The following SH3D19 variants were observed in gnomAD, a reference collection of about 807,000 sequenced individuals.
SH3D19 encodes the protein SH3 domain-containing protein 19.
Under a neutral mutation model 112.1 loss-of-function variants are expected in SH3D19, and 58 were observed. The ratio of observed to expected loss-of-function variants is 0.52; its 90% CI spans 0.42 to 0.64. The LOEUF (loss-of-function observed/expected upper bound fraction) is 0.64. Ranked by LOEUF, SH3D19 falls within the 30% of genes least tolerant of loss-of-function variation. The pLI is 0.00. For synonymous variants in SH3D19, 391 were observed against 448.5 expected (o/e 0.87, Z 1.62); for missense variants, 1,090 against 1,263.4 (o/e 0.86, Z 2.08).
chr4:151,148,143 T>C lies in SH3D19; in HGVS notation c.1861A>G (p.Lys621Glu). 2 of 1,612,456 alleles carry C rather than the reference T, an allele frequency of 1.2e-6. No homozygotes were observed. The highest frequency in any genetic ancestry group is 1.7e-6 in the Non-Finnish European group (2 of 1,179,666). ...KTIPTQQPPT[K>E]VPPERPPPPK... Reference sequence around the variant, plus strand: ...GGAGGTGGTCTCTCAGGGGGCACCTTGGTTGGAGGCTGTTGAGTTGGAATG... The same window carrying C: ...GGAGGTGGTCTCTCAGGGGGCACCTCGGTTGGAGGCTGTTGAGTTGGAATG... The change falls in exon 11 of 20, where the codon AAG (lysine) becomes GAG (glutamate). Residue 621 changes from lysine to glutamate, a missense_variant. Transcript: ENST00000604030.
intron 2 of SH3D19, among the ~76,000 whole-genome samples, chr4:151,216,137 A>C (rs967494395): frequency 1.3e-5 from 2 of 152,136 alleles, no homozygotes; most frequent in African/African-American, 4.8e-5. Context: ...CCAGGGTGTT[A>C]CCTTTAAGGA....
chr4:151,322,578 T>C (rs183202050), intron 1 of SH3D19, among the ~76,000 whole-genome samples: 35 of 151,738 alleles, frequency 2.3e-4, no homozygotes, highest in Non-Finnish European at 4.7e-4. Context: ...CTTTAAAAGC[T>C]GGGAAACATA....
chr4:151,237,561 G>A (rs930229135), intron 1 of SH3D19, among the ~76,000 whole-genome samples: 8 of 152,034 alleles, frequency 5.3e-5, no homozygotes, highest in Non-Finnish European at 1.2e-4. Context: ...CTTATTACCT[G>A]AAGGACCACA....
At chr4:151,316,718 C>T (rs1426417606) in intron 1 of SH3D19, among the ~76,000 whole-genome samples, 1 of 151,706 alleles carries the variant, frequency 6.6e-6, no homozygotes, top group Non-Finnish European at 1.5e-5. Flanking sequence ...CTACCCTCAC[C>T]CCCATGAGCC....
chr4:151,183,274 G>A (rs1761241749), intron 3 of SH3D19, among the ~76,000 whole-genome samples: 1 of 152,182 alleles, frequency 6.6e-6, no homozygotes, highest in African/African-American at 2.4e-5. Flanking sequence ...TTATAGGTGT[G>A]AGCCACAGTG....
At chr4:151,214,046 G>A (rs944239108) in intron 2 of SH3D19, among the ~76,000 whole-genome samples, 1 of 147,542 alleles carries the variant, frequency 6.8e-6, no homozygotes, top group East Asian at 2.1e-4. Context: ...CTGGGTACTT[G>A]AGATTAGGGA....
At chr4:151,187,177 A>C (rs1408990067) in intron 3 of SH3D19, among the ~76,000 whole-genome samples, 1 of 152,116 alleles carries the variant, frequency 6.6e-6, no homozygotes, top group Non-Finnish European at 1.5e-5. Flanking sequence ...ATAGTATCAC[A>C]TTTGGGATTA....
In SH3D19 at chr4:151,121,657, T is replaced by G. The variant is rs1235288783; in HGVS notation, c.*434A>C. On this transcript the variant is annotated 3_prime_UTR_variant, in exon 20 of 20. Transcript: ENST00000604030. ...ATTAATTTGAATATCAAAAATGAAA[T>G]TGAGATTGCTAACCATGTCCTGATA... is the stretch of plus-strand genomic sequence containing the variant. 6.5e-6 allele frequency: 1 copy of G among 152,804 alleles called. No individual in the cohort carries two copies. Among genetic ancestry groups the G allele is most frequent in the African/African-American group, 2.4e-5 (1 of 41,462 alleles). 9.5% of individuals were successfully genotyped at this position (152,804 alleles called of 1,614,324 possible).
intron 1 of SH3D19, among the ~76,000 whole-genome samples, chr4:151,250,528 G>GAA (rs34363522): frequency 0.33 from 49,624 of 151,654 alleles, 9,383 homozygotes; most frequent in Non-Finnish European, 0.44. Flanking sequence ...GAGAGAGAGA[G>GAA]ATCTGGAATG....
intron 9 of SH3D19, among the ~76,000 whole-genome samples, chr4:151,154,764 T>G (rs1168889536): frequency 6.6e-6 from 1 of 152,030 alleles, no homozygotes; most frequent in Non-Finnish European, 1.5e-5. Flanking sequence ...ATACTATTTC[T>G]TTTTTTCTTC....
At chr4:151,289,192 A>T (rs1460313586) in intron 1 of SH3D19, among the ~76,000 whole-genome samples, 1 of 152,244 alleles carries the variant, frequency 6.6e-6, no homozygotes, top group Non-Finnish European at 1.5e-5. Context: ...CATGCAAAAG[A>T]ATGAACTTGG....
chr4:151,165,360 GAAGGGAAAGGGAAGCGAAGGGGA>G (rs1312785233), intron 8 of SH3D19, among the ~76,000 whole-genome samples: 18 of 151,988 alleles, frequency 1.2e-4, no homozygotes, highest in African/African-American at 3.1e-4. Flanking sequence ...AAAAGGAAGG[GAAGGGAAAGGGAAGCGAAGGGGA>G]AAGGGAAAGG....
rs765379008 is a variant in SH3D19 at position 151,122,157 on chromosome 4, A to T, written c.3078T>A (p.Ser1026Arg). The T allele has an allele frequency of 6.2e-7, 1 of 1,611,636 alleles. No individual in the cohort carries two copies. Among genetic ancestry groups the T allele is most frequent in the Non-Finnish European group, 8.5e-7 (1 of 1,178,008 alleles). Residue 1026 changes from serine to arginine, a missense_variant, in exon 20 of 20, where the codon AGT (serine) becomes AGA (arginine). By Grantham distance (110) the Ser-to-Arg change is moderately radical. Coordinates refer to ENST00000604030, the MANE Select transcript of SH3D19 (RefSeq NM_001378122.1). Reference protein sequence around the residue: ...ELESVDDDWMSGELMGKSGIF... With the variant: ...ELESVDDDWMRGELMGKSGIF... ...TTCCAGATTTTCCCATAAGTTCTCCACTCATCCAGTCATCATCTACAGATT... is the reference window on the plus strand; with the variant it reads ...TTCCAGATTTTCCCATAAGTTCTCCTCTCATCCAGTCATCATCTACAGATT...
intron 14 of SH3D19, among the ~76,000 whole-genome samples, chr4:151,136,766 T>G (rs535812321): frequency 4.6e-5 from 7 of 152,328 alleles, no homozygotes; most frequent in African/African-American, 1.4e-4. Flanking sequence ...ACATTATTCT[T>G]AATATTAATT....
At chr4:151,297,890 CTTATAAGAGTAA>C in intron 1 of SH3D19, among the ~76,000 whole-genome samples, 1 of 152,100 alleles carries the variant, frequency 6.6e-6, no homozygotes, top group Non-Finnish European at 1.5e-5. Flanking sequence ...CACATGGCTT[CTTATAAGAGTAA>C]GATAGGAGGA....
chr4:151,198,564 T>C (rs1045612503), intron 2 of SH3D19, among the ~76,000 whole-genome samples: 10 of 151,060 alleles, frequency 6.6e-5, no homozygotes, highest in African/African-American at 2.4e-4. Flanking sequence ...TAGCTAAGCC[T>C]TCCTTTGACC....
chr4:151,323,783 T>C (rs1265700077), intron 1 of SH3D19, among the ~76,000 whole-genome samples: 1 of 152,178 alleles, frequency 6.6e-6, no homozygotes, highest in African/African-American at 2.4e-5. Context: ...TTGGAATAAA[T>C]ACACATATTG....
At chr4:151,237,269 G>A (rs768715641) in intron 1 of SH3D19, among the ~76,000 whole-genome samples, 12 of 152,100 alleles carry the variant, frequency 7.9e-5, no homozygotes, top group African/African-American at 9.7e-5. Context: ...CGCCAATTTC[G>A]GACATAAGGT....
intron 1 of SH3D19, among the ~76,000 whole-genome samples, chr4:151,276,623 C>T (rs1773649731): frequency 6.6e-6 from 1 of 152,222 alleles, no homozygotes; most frequent in South Asian, 2.1e-4. Flanking sequence ...ACCAATCCTA[C>T]TACCCACCCA....
Sources: allele counts gnomAD v4.1 joint callset (sites outside exome capture counted in the v4.1 genomes callset), GRCh38; gene constraint gnomAD v4.1.1; transcripts MANE v1.5; gene names NCBI Gene and HGNC (gene_info 2026-07-23, HGNC 2026-07-21).